COL4A1: variants seen among roughly 807,000 people sequenced by gnomAD.
The protein encoded by COL4A1 is collagen alpha-1(IV) chain.
A neutral mutation model predicts 216.6 loss-of-function variants in COL4A1; 40 were observed. The observed-to-expected ratio is 0.18, with a 90% CI of 0.14 to 0.24. The LOEUF (loss-of-function observed/expected upper bound fraction) is 0.24. Ranked by LOEUF, COL4A1 falls within the 10% of genes least tolerant of loss-of-function variation. COL4A1 has a pLI of 1.00. For missense variants in COL4A1, 1,628 were observed against 2,196.8 expected, an observed-to-expected ratio of 0.74 and a Z score of 5.18; for synonymous variants, 839 against 810.7, an observed-to-expected ratio of 1.03 and a Z score of -0.59.
chr13:110,195,420 T>C (rs1878842184), intron 21 of COL4A1, among the ~76,000 whole-genome samples: 1 of 152,228 alleles, frequency 6.6e-6, no homozygotes, highest in Non-Finnish European at 1.5e-5. Flanking sequence ...TCTTGCGAAG[T>C]GCCTACCATC....
chr13:110,288,970 G>A (rs753216299), intron 1 of COL4A1, among the ~76,000 whole-genome samples: 1 of 152,234 alleles, frequency 6.6e-6, no homozygotes, highest in Admixed American at 6.5e-5. Flanking sequence ...CCCAGGAGGC[G>A]GAGGTTGCAG....
At chr13:110,230,203 T>C (rs1880962132) in intron 2 of COL4A1, among the ~76,000 whole-genome samples, 1 of 151,810 alleles carries the variant, frequency 6.6e-6, no homozygotes, top group Non-Finnish European at 1.5e-5. Context: ...GTGTGCACGG[T>C]GTGTGTTCCA....
At chr13:110,247,922 T>C (rs988222597) in intron 1 of COL4A1, among the ~76,000 whole-genome samples, 22 of 151,840 alleles carry the variant, frequency 1.4e-4, no homozygotes, top group African/African-American at 4.3e-4. Flanking sequence ...TGAAGGCATA[T>C]TTGGAATGAG....
At chr13:110,164,718 T>C in intron 46 of COL4A1, 144 bp downstream of exon 46, 2 of 1,277,922 alleles carry the variant, frequency 1.6e-6, no homozygotes, top group South Asian at 3.1e-5. Context: ...TGATATGCAT[T>C]GAAGGGAGGT....
At chr13:110,206,826 C>A in intron 14 of COL4A1, 39 bp downstream of exon 14, 1 of 1,613,516 alleles carries the variant, frequency 6.2e-7, no homozygotes, top group African/African-American at 1.3e-5. Context: ...TCTTTATGGT[C>A]TTTGACCTAA....
In COL4A1 at chr13:110,213,917, C is replaced by T. The variant is rs374115295; in HGVS notation, c.234+9G>A. 1.8e-5 allele frequency: 29 copies of T among 1,613,882 alleles called. No homozygotes were observed. The highest frequency in any genetic ancestry group is 2.3e-5 in the Non-Finnish European group (27 of 1,179,974). ...ATCCACCCACCCCCAATCCCACAGC[C>T]GTGCTTACCTTTTGTCCTGGTGGTC... On this transcript the variant is annotated intron_variant, in intron 3 of 51. Transcript: ENST00000375820.
chr13:110,238,704 G>T (rs1881431435), intron 2 of COL4A1, among the ~76,000 whole-genome samples: 1 of 152,038 alleles, frequency 6.6e-6, no homozygotes, highest in Admixed American at 6.6e-5. Context: ...GACACTGCAG[G>T]GTCACAGACT....
chr13:110,219,832 G>GTGTATATA (rs1566385644), intron 2 of COL4A1, among the ~76,000 whole-genome samples: 6 of 119,746 alleles, frequency 5.0e-5, no homozygotes, highest in South Asian at 2.5e-4. Context: ...ATATATGTAT[G>GTGTATATA]TATGTATATA....
chr13:110,170,037 G>A (rs1877542547), intron 42 of COL4A1, among the ~76,000 whole-genome samples: 1 of 141,724 alleles, frequency 7.1e-6, no homozygotes, highest in Non-Finnish European at 1.5e-5. Context: ...GGAAGGAAGG[G>A]AGGGAAGGAG....
chr13:110,164,835 C>T lies in COL4A1; in HGVS notation c.4150+27G>A, dbSNP rs773198493. On this transcript the variant is annotated intron_variant, in intron 46 of 51. Coordinates refer to ENST00000375820, the MANE Select transcript of COL4A1 (RefSeq NM_001845.6). ...CACTGCCCCTCTGGGCTCCCCATAC[C>T]GCCCTGCACAGGCCAAGCCTTCTCA... 76 of 1,612,134 alleles carry T rather than the reference C, an allele frequency of 4.7e-5. No homozygotes were observed. In the Admixed American group the frequency reaches 8.7e-4, roughly 18 times the overall value.
Position 110,192,096 on chromosome 13 carries a change from A to C in COL4A1, c.1536+118T>G. On this transcript the variant is annotated intron_variant, in intron 24 of 51. Transcript: ENST00000375820. ...ACTCCAGAGGGCTCGACACAGCAAC[A>C]CTTACCAGCTCCCACACAAGGCAGA... 3 of 1,049,734 alleles carry C rather than the reference A, an allele frequency of 2.9e-6. No homozygotes were observed. In the South Asian group the frequency reaches 3.9e-5, roughly 14 times the overall value. 65.0% of individuals were successfully genotyped at this position (1,049,734 alleles called of 1,614,324 possible).
rs59723099 is a variant in COL4A1 at position 110,253,389 on chromosome 13, C to T, written c.85-10655G>A. ...CATATACATATAATTATATGTATTA[C>T]ATATACATATAATTATATGTATTAC... On this transcript the variant is annotated intron_variant, in intron 1 of 51. Transcript: ENST00000375820. Among the ~76,000 whole-genome samples the T allele has an allele frequency of 2.2e-3, 49 of 22,472 alleles. 3 individuals carry two copies. The highest frequency in any genetic ancestry group is 2.6e-3 in the Non-Finnish European group (35 of 13,254). 14.7% of individuals were successfully genotyped at this position (22,472 alleles called of 152,430 possible).
chr13:110,240,892 T>C (rs1166121810), intron 2 of COL4A1, among the ~76,000 whole-genome samples: 1 of 152,224 alleles, frequency 6.6e-6, no homozygotes, highest in Non-Finnish European at 1.5e-5. Flanking sequence ...GGTTTTGAGT[T>C]AGAGCCTTGC....
At chr13:110,201,675 G>T (rs569478347) in intron 18 of COL4A1, 153 bp from the exon 19 acceptor site, 6 of 802,868 alleles carry the variant, frequency 7.5e-6, no homozygotes, top group Non-Finnish European at 1.3e-5. Context: ...AAGGAGGAAG[G>T]GGATAAGCCT....
Position 110,198,542 on chromosome 13 carries a change from G to T in COL4A1, c.1210C>A (p.Pro404Thr), listed in dbSNP as rs201061305. Residue 404 changes from proline to threonine, a missense_variant, in exon 21 of 52, where the codon CCA becomes ACA. Pro to Thr is a conservative substitution (Grantham distance 38). Coordinates refer to ENST00000375820, the MANE Select transcript of COL4A1 (RefSeq NM_001845.6). ...GDRGFPGTSLPGPSGRDGLPG... is the reference protein window; with the variant it reads ...GDRGFPGTSLTGPSGRDGLPG... ...AGCCCATCTCTTCCACTTGGTCCTG[G>T]CAGAGATGTACCAGGAAATCCTCGG... 3 of 1,614,094 alleles carry T rather than the reference G, an allele frequency of 1.9e-6. No individual in the cohort carries two copies. In the East Asian group the frequency reaches 6.7e-5, roughly 36 times the overall value.
At chr13:110,273,701 G>A (rs1210314742) in intron 1 of COL4A1, among the ~76,000 whole-genome samples, 1 of 152,146 alleles carries the variant, frequency 6.6e-6, no homozygotes, top group Non-Finnish European at 1.5e-5. Context: ...ATAAAGTCTG[G>A]AAAACTCACC....
intron 1 of COL4A1, among the ~76,000 whole-genome samples, chr13:110,281,994 C>G (rs1226373663): frequency 6.6e-6 from 1 of 152,190 alleles, no homozygotes; most frequent in Non-Finnish European, 1.5e-5. Context: ...GCTGCGTGTC[C>G]TCGCCTCACC....
intron 35 of COL4A1, 55 bp from the exon 36 acceptor site, chr13:110,176,568 G>C: frequency 6.3e-7 from 1 of 1,592,672 alleles, no homozygotes; most frequent in Non-Finnish European, 8.6e-7. Flanking sequence ...AAGAGCTGGG[G>C]AACACAGGCC....
rs796763612 is a variant in COL4A1 at position 110,166,436 on chromosome 13, T to C, written c.3950-133A>G. 15 of 737,978 alleles carry C rather than the reference T, an allele frequency of 2.0e-5. No individual in the cohort carries two copies. The African/African-American group carries it at 2.6e-4, about 13-fold the overall frequency. 45.7% of individuals were successfully genotyped at this position (737,978 alleles called of 1,614,324 possible). A position where few individuals can be genotyped will look rare whatever the true frequency, so the allele number is the denominator to read the frequency against. On this transcript the variant is annotated intron_variant, in intron 44 of 51. Coordinates refer to ENST00000375820, the MANE Select transcript of COL4A1 (RefSeq NM_001845.6). ...ATAGATAAATGCATATACACACACA[T>C]ATACTCATATATGCATACCCATATA...
Sources: allele counts gnomAD v4.1 joint callset (sites outside exome capture counted in the v4.1 genomes callset), GRCh38; gene constraint gnomAD v4.1.1; transcripts MANE v1.5; gene names NCBI Gene and HGNC (gene_info 2026-07-23, HGNC 2026-07-21).